The following LMO3 variants were observed in gnomAD, a reference collection of about 807,000 sequenced individuals.
LMO3 encodes the protein LIM domain only protein 3.
LMO3 carries 2 observed loss-of-function variants against 15.8 expected under a neutral mutation model. That is an observed-to-expected ratio of 0.13 (90% CI 0.05 to 0.40). The LOEUF (loss-of-function observed/expected upper bound fraction) is 0.40, where lower values mean the gene tolerates loss of function less well. Ranked by LOEUF, LMO3 falls within the 10% of genes least tolerant of loss-of-function variation. The probability of loss-of-function intolerance (pLI) is 0.99; values close to 1 mark genes in which losing one functional copy is unlikely to be tolerated. For missense variants in LMO3, 86 were observed against 182.2 expected (o/e 0.47, Z 3.04); for synonymous variants, 62 against 63.8 (o/e 0.97, Z 0.13).
At chr12:16,552,511 A>G (rs1219447718) in intron 3 of LMO3, among the ~76,000 whole-genome samples, 2 of 152,116 alleles carry the variant, frequency 1.3e-5, no homozygotes, top group Non-Finnish European at 2.9e-5. Flanking sequence ...CTAGACAAAC[A>G]GTGAACCTAT....
intron 2 of LMO3, among the ~76,000 whole-genome samples, chr12:16,563,305 T>G (rs901008146): frequency 2.6e-5 from 4 of 152,260 alleles, no homozygotes; most frequent in Admixed American, 1.3e-4. Flanking sequence ...ACATTCGAGT[T>G]CTCTTTTTTC....
In LMO3 at chr12:16,555,845, G is replaced by A. The variant is rs952681404; in HGVS notation, c.333-4518C>T. On this transcript the variant is annotated intron_variant, in intron 3 of 3. Transcript: ENST00000537304. This position sits in a 1 kb window ranked among gnomAD's most constrained non-coding sequence, Gnocchi z 5.5. ...TGGCTCCCTCATCTTCCCCAACCCC[G>A]AGCAGACACACTTCCTGTAAGTCAA... 6.6e-6 allele frequency among the ~76,000 whole-genome samples: 1 copy of A among 151,884 alleles called. No homozygotes were observed. The highest frequency in any genetic ancestry group is 2.4e-5 in the African/African-American group (1 of 41,346).
At chr12:16,605,025 A>G in intron 1 of LMO3, 1 of 1,559,492 alleles carries the variant, frequency 6.4e-7, no homozygotes. Flanking sequence ...AGGACCGACT[A>G]TTGTGAAGCC....
chr12:16,551,406 T>A (rs1056898869), intron 3 of LMO3, 79 bp from the exon 4 acceptor site: 36 of 873,374 alleles, frequency 4.1e-5, no homozygotes, highest in Admixed American at 2.0e-5. Flanking sequence ...ATTTTCCTAT[T>A]AATAGTTTCG....
At position 16,604,710 on chromosome 12, in the gene LMO3, A is replaced by C; in HGVS notation, c.-9+1356T>G. 1.3e-6 allele frequency: 1 copy of C among 767,624 alleles called. No individual in the cohort carries two copies. The highest frequency in any genetic ancestry group is 1.7e-5 in the South Asian group (1 of 58,070). 47.6% of individuals were successfully genotyped at this position (767,624 alleles called of 1,614,324 possible). On this transcript the variant is annotated intron_variant, in intron 1 of 3. Coordinates refer to ENST00000537304, the MANE Select transcript of LMO3 (RefSeq NM_018640.5). The surrounding 1 kb of genome is among the most constrained non-coding windows in gnomAD (Gnocchi z 5.3). ...AGTATTTGTTGCATCTAGCAAGATT[A>C]ATTGGTTTAAGCAGCAGTCTTTCAA...
chr12:16,594,105 G>C (rs567888300), intron 2 of LMO3: 69 of 1,528,956 alleles, frequency 4.5e-5, no homozygotes, highest in Admixed American at 5.9e-5. Flanking sequence ...GCTGGCGTCA[G>C]GTGTTTGAAT....
chr12:16,595,343 T>C (rs1035072562), intron 2 of LMO3, among the ~76,000 whole-genome samples: 4 of 151,424 alleles, frequency 2.6e-5, no homozygotes, highest in African/African-American at 9.7e-5. Context: ...GAATTAAAGA[T>C]AGAAAGATAT....
chr12:16,551,416 G>A (rs111970892), intron 3 of LMO3, 89 bp from the exon 4 acceptor site: 22 of 770,422 alleles, frequency 2.9e-5, no homozygotes, highest in African/African-American at 1.9e-4. Flanking sequence ...TAATAGTTTC[G>A]CATGGTAATT....
chr12:16,588,983 G>C (rs1284516099), intron 2 of LMO3, among the ~76,000 whole-genome samples: 1 of 151,978 alleles, frequency 6.6e-6, no homozygotes, highest in Non-Finnish European at 1.5e-5. Flanking sequence ...TTATGAATAG[G>C]ATTCCTATTT....
chr12:16,595,810 T>A (rs751885822), intron 2 of LMO3, among the ~76,000 whole-genome samples: 12 of 151,590 alleles, frequency 7.9e-5, no homozygotes, highest in South Asian at 4.1e-4. Flanking sequence ...GAAATAAAGC[T>A]TATTTGTAGA....
rs1467477123 is a variant in LMO3 at position 16,598,652 on chromosome 12, T to C, written c.206+2003A>G. The C allele has an allele frequency of 6.5e-6, 1 of 153,600 alleles. No individual in the cohort carries two copies. The highest frequency in any genetic ancestry group is 1.5e-5 in the Non-Finnish European group (1 of 68,808). The allele number at this position is 153,600 out of a possible 1,614,324, so 9.5% of individuals were successfully genotyped here. A position where few individuals can be genotyped will look rare whatever the true frequency, so the allele number is the denominator to read the frequency against. ...AAAACTTCTGATATGAAAACTATTT[T>C]TGATAAATGCGTTTTAGCAAAACAC... is the stretch of plus-strand genomic sequence containing the variant. On this transcript the variant is annotated intron_variant, in intron 2 of 3. Coordinates refer to ENST00000537304, the MANE Select transcript of LMO3 (RefSeq NM_018640.5). This position sits in a 1 kb window ranked among gnomAD's most constrained non-coding sequence, Gnocchi z 4.3.
rs1043672452 is a variant in LMO3, at chr12:16,576,182, C to T, written c.207-15644G>A. 2.0e-5 allele frequency among the ~76,000 whole-genome samples: 3 copies of T among 152,190 alleles called. No individual in the cohort carries two copies. The highest frequency in any genetic ancestry group is 4.4e-5 in the Non-Finnish European group (3 of 68,038). On this transcript the variant is annotated intron_variant, in intron 2 of 3. Transcript: ENST00000537304. This position sits in a 1 kb window ranked among gnomAD's most constrained non-coding sequence, Gnocchi z 4.1. ...CGCCTTCCACTCTGCAGCCGGTAGCCTTTCTATAACACAGCTCCAACCCAT... is the reference window on the plus strand; with the variant it reads ...CGCCTTCCACTCTGCAGCCGGTAGCTTTTCTATAACACAGCTCCAACCCAT...
At chr12:16,581,549 G>A (rs529475846) in intron 2 of LMO3, among the ~76,000 whole-genome samples, 1 of 152,084 alleles carries the variant, frequency 6.6e-6, no homozygotes, top group Non-Finnish European at 1.5e-5. Context: ...ACCCATTATA[G>A]AGTAAATCCT....
chr12:16,588,010 C>T (rs548480338), intron 2 of LMO3, among the ~76,000 whole-genome samples: 123 of 152,210 alleles, frequency 8.1e-4, no homozygotes, highest in African/African-American at 2.6e-3. Context: ...CTTTCTCTTA[C>T]GACTTCTTTC....
chr12:16,577,864 C>A (rs1198262670), intron 2 of LMO3, among the ~76,000 whole-genome samples: 1 of 152,146 alleles, frequency 6.6e-6, no homozygotes, highest in Admixed American at 6.5e-5. Context: ...AAATGTGTCA[C>A]CTAATTATGG....
rs1302204188 is a variant in LMO3, at chr12:16,589,882, C to G, written c.206+10773G>C. On this transcript the variant is annotated intron_variant, in intron 2 of 3. Coordinates refer to ENST00000537304, the MANE Select transcript of LMO3 (RefSeq NM_018640.5). This position sits in a 1 kb window ranked among gnomAD's most constrained non-coding sequence, Gnocchi z 4.2. ...GATGCAGACCACAGTAGGAATTAAG[C>G]CTCGTAAAGCTCTCTGGCTACTGTC... 6.6e-6 allele frequency among the ~76,000 whole-genome samples: 1 copy of G among 152,016 alleles called. No homozygotes were observed. The highest frequency in any genetic ancestry group is 1.5e-5 in the Non-Finnish European group (1 of 67,980).
chr12:16,601,513 A>G (rs1943823373), intron 1 of LMO3, among the ~76,000 whole-genome samples: 1 of 152,212 alleles, frequency 6.6e-6, no homozygotes, highest in African/African-American at 2.4e-5. Flanking sequence ...TAACATTTAT[A>G]CTCACAAGCA....
At chr12:16,594,032 G>A (rs1031508596) in intron 2 of LMO3, 2 of 1,049,788 alleles carry the variant, frequency 1.9e-6, no homozygotes, top group African/African-American at 1.6e-5. Flanking sequence ...TGTCCTACAT[G>A]TTAGACTGAT....
intron 2 of LMO3, among the ~76,000 whole-genome samples, chr12:16,574,911 AG>A (rs1942943135): frequency 6.6e-6 from 1 of 152,126 alleles, no homozygotes; most frequent in Admixed American, 6.5e-5. Context: ...GCCGAGTCCG[AG>A]TCTATGTGTT....
Sources: gnomAD v4.1 joint callset for allele counts (sites outside exome capture counted in the v4.1 genomes callset) on GRCh38, gnomAD v4.1.1 for gene constraint, Gnocchi (gnomAD v3.1) non-coding constraint, MANE v1.5 for transcripts, NCBI Gene and HGNC (gene_info 2026-07-23, HGNC 2026-07-21) for gene names.